FAAH2: variants seen among roughly 807,000 people sequenced by gnomAD.
The protein encoded by FAAH2 is fatty acid amide hydrolase 2, also known as fatty-acid amide hydrolase 2.
FAAH2 carries 60 observed loss-of-function variants against 36.9 expected under a neutral mutation model. The observed-to-expected ratio is 1.63, with a 90% CI of 1.32 to 2.02. The LOEUF (loss-of-function observed/expected upper bound fraction) is 2.02, where lower values mean the gene tolerates loss of function less well. FAAH2 is among the 30% of genes most tolerant of loss of function. The pLI is 0.00. For synonymous variants in FAAH2, 214 were observed against 143.8 expected, an observed-to-expected ratio of 1.49 and a Z score of -3.49; for missense variants, 689 against 397.5, an observed-to-expected ratio of 1.73 and a Z score of -6.23.
chrX:57,480,093 C>T (rs980679046), intron 10 of FAAH2, among the ~76,000 whole-genome samples: 3 of 111,509 alleles, frequency 2.7e-5, no homozygotes, highest in Non-Finnish European at 5.7e-5. Flanking sequence ...AGACCAATAA[C>T]AGGCTCTGAA....
intron 10 of FAAH2, among the ~76,000 whole-genome samples, chrX:57,464,081 G>C (rs889332373): frequency 1.6e-4 from 18 of 111,971 alleles, no homozygotes; most frequent in Non-Finnish European, 2.8e-4. Context: ...CCATAAAAAT[G>C]AATTAGTTCA....
intron 1 of FAAH2, among the ~76,000 whole-genome samples, chrX:57,291,379 G>T (rs2051978256): frequency 8.9e-6 from 1 of 111,801 alleles, no homozygotes; most frequent in South Asian, 3.7e-4. Flanking sequence ...TAATATTAAT[G>T]ATACCACCTC....
rs1167836510 is a variant in FAAH2, at chrX:57,392,949, ATCT to A, written c.996+11924_996+11926del. The A allele has an allele frequency of 3.3e-6, 3 of 913,632 alleles. No individual in the cohort carries two copies. The Admixed American group carries it at 6.6e-5, about 20-fold the overall frequency. The allele number at this position is 913,632 out of a possible 1,213,427, so 75.3% of individuals were successfully genotyped here. A position where few individuals can be genotyped will look rare whatever the true frequency, so the allele number is the denominator to read the frequency against. On this transcript the variant is annotated intron_variant, in intron 7 of 10. Coordinates refer to ENST00000374900, the MANE Select transcript of FAAH2 (RefSeq NM_174912.4). ...TAATTCAATGTTGTCTGCTCCATAG[ATCT>A]TCTGTGCAATGATCCTGATTTTATC...
the FAAH2 span, among the ~76,000 whole-genome samples, chrX:57,163,087 C>T: frequency 1.4e-3 from 151 of 111,811 alleles, 1 homozygote; most frequent in African/African-American, 4.3e-3. Flanking sequence ...ACAGACAGGA[C>T]CCTCAGCTGC....
chrX:57,168,925 A>G, the FAAH2 span, among the ~76,000 whole-genome samples: 1 of 112,378 alleles, frequency 8.9e-6, no homozygotes, highest in African/African-American at 3.2e-5. Context: ...TTGATCTGCC[A>G]TAACAAAATA....
chrX:57,262,799 T>C, the FAAH2 span, among the ~76,000 whole-genome samples: 94 of 111,812 alleles, frequency 8.4e-4, no homozygotes, highest in Non-Finnish European at 1.6e-3. Flanking sequence ...GATACAAGGC[T>C]GGTTCATTAC....
chrX:57,400,245 A>G (rs2055398485), intron 7 of FAAH2, among the ~76,000 whole-genome samples: 1 of 111,756 alleles, frequency 8.9e-6, no homozygotes, highest in Non-Finnish European at 1.9e-5. Context: ...ATGTCCACAC[A>G]GTAAGATCTC....
At chrX:57,404,312 C>A (rs370265959) in intron 7 of FAAH2, among the ~76,000 whole-genome samples, 3 of 112,483 alleles carry the variant, frequency 2.7e-5, no homozygotes, top group African/African-American at 9.7e-5. Flanking sequence ...CTTTCTCTTT[C>A]TCTCTTTCTT....
At chrX:57,469,926 G>C (rs993869775) in intron 10 of FAAH2, among the ~76,000 whole-genome samples, 1 of 111,674 alleles carries the variant, frequency 9.0e-6, no homozygotes, top group Non-Finnish European at 1.9e-5. Flanking sequence ...AATCAAACTA[G>C]AACTCAGGAT....
At chrX:57,437,884 C>T (rs778863286) in intron 8 of FAAH2, among the ~76,000 whole-genome samples, 1 of 101,083 alleles carries the variant, frequency 9.9e-6, no homozygotes, top group African/African-American at 3.5e-5. Context: ...TACATATATA[C>T]ATACGTATAT....
chrX:57,481,667 G>A (rs927821170), intron 10 of FAAH2, among the ~76,000 whole-genome samples: 7 of 111,853 alleles, frequency 6.3e-5, no homozygotes, highest in Non-Finnish European at 1.9e-5. Flanking sequence ...CTTGTATGAA[G>A]TGTCCTTCGA....
chrX:57,234,378 A>G, the FAAH2 span, among the ~76,000 whole-genome samples: 4 of 111,896 alleles, frequency 3.6e-5, no homozygotes, highest in African/African-American at 1.3e-4. Flanking sequence ...ACTATTTATT[A>G]TATTTTCAGG....
chrX:57,148,218 T>C, the FAAH2 span, among the ~76,000 whole-genome samples: 1 of 111,844 alleles, frequency 8.9e-6, no homozygotes, highest in South Asian at 3.7e-4. Flanking sequence ...TTTGTTCTTT[T>C]GGCTTAGGAT....
chrX:57,231,070 T>A, the FAAH2 span, among the ~76,000 whole-genome samples: 9 of 107,661 alleles, frequency 8.4e-5, no homozygotes, highest in African/African-American at 2.4e-4. Context: ...TGTGTGTGAG[T>A]GTGTGTGTGT....
At chrX:57,459,967 C>A (rs189974601) in intron 10 of FAAH2, among the ~76,000 whole-genome samples, 11 of 111,457 alleles carry the variant, frequency 9.9e-5, no homozygotes, top group African/African-American at 3.6e-4. Context: ...TCCTCTCCAG[C>A]AAGGGCACAA....
At chrX:57,330,656 G>T (rs929193723) in intron 3 of FAAH2, among the ~76,000 whole-genome samples, 11 of 111,145 alleles carry the variant, frequency 9.9e-5, no homozygotes, top group Admixed American at 1.9e-4. Flanking sequence ...TGCGGCTTGT[G>T]GGGCATCACG....
At chrX:57,303,490 G>A (rs1037257903) in intron 2 of FAAH2, among the ~76,000 whole-genome samples, 2 of 112,133 alleles carry the variant, frequency 1.8e-5, no homozygotes, top group Admixed American at 1.9e-4. Context: ...GATAGTGATA[G>A]CCACCATTTA....
chrX:57,361,041 G>A (rs1222658185), intron 5 of FAAH2, among the ~76,000 whole-genome samples: 1 of 111,504 alleles, frequency 9.0e-6, no homozygotes, highest in African/African-American at 3.3e-5. Context: ...ATTCCATGGT[G>A]TATATGTACC....
At chrX:57,334,266 T>TCACACACACACACACA (rs1491098492) in intron 4 of FAAH2, among the ~76,000 whole-genome samples, 16 of 8,146 alleles carry the variant, frequency 2.0e-3, no homozygotes, top group East Asian at 0.061. Flanking sequence ...GGAGATTCCG[T>TCACACACACACACACA]CTCACACACA....
Sources: gnomAD v4.1 joint callset for allele counts (sites outside exome capture counted in the v4.1 genomes callset) on GRCh38, gnomAD v4.1.1 for gene constraint, MANE v1.5 for transcripts, NCBI Gene and HGNC (gene_info 2026-07-23, HGNC 2026-07-21) for gene names.